LRRTM4: variants seen among roughly 807,000 people sequenced by gnomAD.
The protein encoded by LRRTM4 is leucine-rich repeat transmembrane neuronal protein 4.
In LRRTM4, 25 loss-of-function variants were observed where a neutral mutation model predicts 47.6. The ratio of observed to expected loss-of-function variants is 0.53; its 90% confidence interval spans 0.38 to 0.73. LRRTM4 has a LOEUF of 0.73. Among genes scored for constraint, LRRTM4 ranks in the 30% least tolerant of loss-of-function variants. LRRTM4 has a pLI of 0.00. For missense variants in LRRTM4, 638 were observed against 713.4 expected, an observed-to-expected ratio of 0.89 and a Z score of 1.20; for synonymous variants, 311 against 269.5, an observed-to-expected ratio of 1.15 and a Z score of -1.51.
chr2:76,958,212 C>T (rs778422220), intron 3 of LRRTM4, among the ~76,000 whole-genome samples: 3 of 151,774 alleles, frequency 2.0e-5, no homozygotes, highest in Admixed American at 1.3e-4. Context: ...AGGGCCATGT[C>T]ATCATAATAA....
intron 3 of LRRTM4, among the ~76,000 whole-genome samples, chr2:77,479,467 C>T (rs977352358): frequency 2.6e-5 from 4 of 152,284 alleles, no homozygotes; most frequent in African/African-American, 7.2e-5. Flanking sequence ...AAAAGCAAGT[C>T]GTCAGGGTTT....
At chr2:76,944,103 T>C (rs1675245729) in intron 3 of LRRTM4, among the ~76,000 whole-genome samples, 1 of 152,212 alleles carries the variant, frequency 6.6e-6, no homozygotes, top group Admixed American at 6.5e-5. Context: ...TCCTTCATAA[T>C]TGCCCCTTGC....
At chr2:77,340,177 A>G (rs1197576242) in intron 3 of LRRTM4, among the ~76,000 whole-genome samples, 2 of 151,936 alleles carry the variant, frequency 1.3e-5, no homozygotes, top group Admixed American at 6.6e-5. Flanking sequence ...TGGTATCACT[A>G]AAATATATAT....
At chr2:76,952,328 G>A (rs930907010) in intron 3 of LRRTM4, among the ~76,000 whole-genome samples, 2 of 151,884 alleles carry the variant, frequency 1.3e-5, no homozygotes, top group African/African-American at 4.8e-5. Context: ...CAGAACCTAT[G>A]AGGAACTTAA....
At chr2:77,475,625 T>G (rs1480826987) in intron 3 of LRRTM4, among the ~76,000 whole-genome samples, 1 of 151,964 alleles carries the variant, frequency 6.6e-6, no homozygotes, top group African/African-American at 2.4e-5. Flanking sequence ...ATATACATAT[T>G]TTAAAGTGTT....
chr2:77,454,094 T>C (rs1363955402), intron 3 of LRRTM4, among the ~76,000 whole-genome samples: 2 of 152,214 alleles, frequency 1.3e-5, no homozygotes, highest in Non-Finnish European at 2.9e-5. Flanking sequence ...AGTTTAGAAT[T>C]ATATATTTGT....
At chr2:76,812,869 T>G (rs1040923493) in intron 3 of LRRTM4, among the ~76,000 whole-genome samples, 12 of 147,772 alleles carry the variant, frequency 8.1e-5, no homozygotes, top group African/African-American at 3.0e-4. Context: ...ATATTAATAT[T>G]TAATTATCAT....
At chr2:77,286,438 CT>C (rs1676661818) in intron 3 of LRRTM4, among the ~76,000 whole-genome samples, 2 of 151,422 alleles carry the variant, frequency 1.3e-5, no homozygotes, top group South Asian at 4.2e-4. Context: ...TAGTTAAAAT[CT>C]TTTAAAAATT....
chr2:77,180,808 C>A (rs1052811731), intron 3 of LRRTM4, among the ~76,000 whole-genome samples: 2 of 152,018 alleles, frequency 1.3e-5, no homozygotes, highest in African/African-American at 4.8e-5. Flanking sequence ...AAGGAGAAAT[C>A]GTGAATCTGG....
In LRRTM4 at chr2:77,512,584, T is replaced by C. The variant is rs6705676; in HGVS notation, c.1551+5734A>G. ...ACAGGTTGCTTCTGCTTCACTTTGA[T>C]TTAGTGAATCATGAAACTCTAGAGA... is the stretch of plus-strand genomic sequence containing the variant. On this transcript the variant is annotated intron_variant, in intron 3 of 3. Coordinates refer to ENST00000409884, the MANE Select transcript of LRRTM4 (RefSeq NM_001134745.3). Among the ~76,000 whole-genome samples, 1,249 of 152,266 alleles carry C rather than the reference T, an allele frequency of 8.2e-3. 14 individuals are homozygous for C. The highest frequency in any genetic ancestry group is 0.027 in the African/African-American group (1,110 of 41,570).
intron 3 of LRRTM4, among the ~76,000 whole-genome samples, chr2:77,302,403 C>T (rs1340034615): frequency 1.3e-5 from 2 of 152,106 alleles, no homozygotes; most frequent in Non-Finnish European, 2.9e-5. Context: ...CTGAACATGA[C>T]AATTCAGATG....
intron 3 of LRRTM4, among the ~76,000 whole-genome samples, chr2:77,213,036 C>A (rs1038494320): frequency 6.6e-6 from 1 of 152,020 alleles, no homozygotes; most frequent in Non-Finnish European, 1.5e-5. Flanking sequence ...TCAAGGTCAC[C>A]AATCAATCTT....
intron 3 of LRRTM4, among the ~76,000 whole-genome samples, chr2:77,153,732 G>A (rs1216106113): frequency 6.6e-6 from 1 of 151,928 alleles, no homozygotes; most frequent in Admixed American, 6.6e-5. Context: ...TTTACCTAGG[G>A]GAAAACATAG....
intron 3 of LRRTM4, among the ~76,000 whole-genome samples, chr2:76,916,384 C>CAAAAAAAAAAAAAAAAAAAAAAAAA (rs57874749): frequency 1.9e-4 from 10 of 53,500 alleles, no homozygotes; most frequent in Non-Finnish European, 2.5e-4. Flanking sequence ...GACTGTGTCT[C>CAAAAAAAAAAAAAAAAAAAAAAAAA]AAAAAAAAAA....
At chr2:77,196,163 C>CT (rs1438980998) in intron 3 of LRRTM4, among the ~76,000 whole-genome samples, 4 of 152,100 alleles carry the variant, frequency 2.6e-5, no homozygotes, top group Non-Finnish European at 4.4e-5. Context: ...AATTTATATG[C>CT]TTTTTTCCTT....
chr2:77,084,336 C>A (rs566026715), intron 3 of LRRTM4, among the ~76,000 whole-genome samples: 1 of 152,158 alleles, frequency 6.6e-6, no homozygotes, highest in Non-Finnish European at 1.5e-5. Context: ...ATAGCTGGCA[C>A]TGAAGGGTGA....
At chr2:76,899,214 T>C (rs535718733) in intron 3 of LRRTM4, among the ~76,000 whole-genome samples, 4 of 151,376 alleles carry the variant, frequency 2.6e-5, no homozygotes, top group Admixed American at 6.6e-5. Flanking sequence ...CAAATATATA[T>C]AGAGAGAGAT....
chr2:77,285,340 T>TTATATATATGTATATATATATA lies in LRRTM4; in HGVS notation c.1551+232977_1551+232978insTATATATATATACATATATATA, dbSNP rs1676622256. 3.6e-5 allele frequency among the ~76,000 whole-genome samples: 3 copies of TTATATATATGTATATATATATA among 82,590 alleles called. 1 individual carries two copies. The highest frequency in any genetic ancestry group is 4.7e-5 in the Non-Finnish European group (2 of 42,466). The allele number at this position is 82,590 out of a possible 152,430, so 54.2% of individuals were successfully genotyped here. ...AAATTAATTCTACTCAGCATTAAATTTATATATATATATATATATATATGG... is the reference window on the plus strand; with the variant it reads ...AAATTAATTCTACTCAGCATTAAATTTATATATATGTATATATATATATATATATATATATATATATATATGG... On this transcript the variant is annotated intron_variant, in intron 3 of 3. Transcript: ENST00000409884.
intron 3 of LRRTM4, among the ~76,000 whole-genome samples, chr2:77,162,565 C>T (rs771180348): frequency 6.6e-6 from 1 of 152,178 alleles, no homozygotes; most frequent in South Asian, 2.1e-4. Context: ...CTGGGAGGCA[C>T]CTCCCAGTAG....
Sources: gnomAD v4.1 joint callset for allele counts (sites outside exome capture counted in the v4.1 genomes callset) on GRCh38, gnomAD v4.1.1 for gene constraint, MANE v1.5 for transcripts, NCBI Gene and HGNC (gene_info 2026-07-23, HGNC 2026-07-21) for gene names.